Variants in KIZ observed in about 807,000 individuals in gnomAD.
The protein encoded by KIZ is centrosomal protein kizuna.
In KIZ, 68 loss-of-function variants were observed where a neutral mutation model predicts 79.6. That is an observed-to-expected ratio of 0.85 (90% CI 0.70 to 1.05). The LOEUF (loss-of-function observed/expected upper bound fraction) is 1.05, where lower values mean the gene tolerates loss of function less well. Among genes scored for constraint, KIZ ranks in the 50% least tolerant of loss-of-function variants. The probability of loss-of-function intolerance (pLI) is 0.00; values close to 1 mark genes in which losing one functional copy is unlikely to be tolerated. For missense variants in KIZ, 797 were observed against 800.4 expected (o/e 1.00, Z 0.05); for synonymous variants, 280 against 281.8 (o/e 0.99, Z 0.06).
intron 9 of KIZ, among the ~76,000 whole-genome samples, chr20:21,217,622 T>C (rs941987811): frequency 2.0e-5 from 3 of 152,196 alleles, no homozygotes; most frequent in Non-Finnish European, 4.4e-5. Context: ...TCAGCTCTTT[T>C]ACTCCTTGCT....
chr20:21,234,355 A>C (rs561119815), intron 11 of KIZ, among the ~76,000 whole-genome samples: 18 of 151,550 alleles, frequency 1.2e-4, no homozygotes, highest in East Asian at 1.9e-4. Flanking sequence ...AGAAAACAAA[A>C]AAAAAAACCA....
chr20:21,130,190 A>G (rs948185067), intron 1 of KIZ, among the ~76,000 whole-genome samples: 4 of 152,162 alleles, frequency 2.6e-5, no homozygotes, highest in Non-Finnish European at 5.9e-5. Context: ...TACATCTGGA[A>G]CGATTCCTCA....
At position 21,161,879 on chromosome 20, in the gene KIZ, G is replaced by A; in HGVS notation, c.414G>A (p.Val138=). The A allele has an allele frequency of 6.2e-7, 1 of 1,610,828 alleles. No homozygotes were observed. The highest frequency in any genetic ancestry group is 8.5e-7 in the Non-Finnish European group (1 of 1,177,586). Residue 138 remains valine (V), a synonymous_variant, in exon 5 of 13, where the codon GTG becomes GTA. Coordinates refer to ENST00000619189, the MANE Select transcript of KIZ (RefSeq NM_018474.6). ...LTDEDREKVA[V]HEGINSGTAM... ...CTCTTTTGGTGTTGCAGGTTGCAGT[G>A]CACGAGGGGATTAACTCAGGAACAG...
intron 4 of KIZ, among the ~76,000 whole-genome samples, chr20:21,161,132 C>T (rs1321696747): frequency 6.6e-6 from 1 of 152,096 alleles, no homozygotes; most frequent in African/African-American, 2.4e-5. Flanking sequence ...CATATATCTT[C>T]TTTGGAGAAA....
At chr20:21,216,714 T>C (rs1054111975) in intron 9 of KIZ, among the ~76,000 whole-genome samples, 3 of 152,230 alleles carry the variant, frequency 2.0e-5, no homozygotes, top group African/African-American at 7.2e-5. Context: ...CAGATAACCA[T>C]GAAGTCATTT....
chr20:21,224,054 C>T (rs1327665043), intron 9 of KIZ, among the ~76,000 whole-genome samples: 1 of 151,812 alleles, frequency 6.6e-6, no homozygotes, highest in Non-Finnish European at 1.5e-5. Context: ...AGTGCAATGG[C>T]GCGATCTCGG....
At chr20:21,204,095 A>G (rs1393291138) in intron 6 of KIZ, among the ~76,000 whole-genome samples, 15 of 144,294 alleles carry the variant, frequency 1.0e-4, no homozygotes, top group Admixed American at 1.0e-3. Context: ...TCCCCTTAAG[A>G]GTCATCTATG....
At chr20:21,156,956 T>C (rs551560572) in intron 4 of KIZ, among the ~76,000 whole-genome samples, 1 of 152,246 alleles carries the variant, frequency 6.6e-6, no homozygotes, top group South Asian at 2.1e-4. Flanking sequence ...TTTCTGTAAG[T>C]GTAAAATTAT....
chr20:21,162,771 G>A (rs933610748), intron 5 of KIZ, 79 bp from the exon 6 acceptor site: 3 of 1,144,166 alleles, frequency 2.6e-6, no homozygotes, highest in Admixed American at 2.6e-5. Context: ...GTTTTTAACT[G>A]ATGAGTAATT....
intron 4 of KIZ, among the ~76,000 whole-genome samples, chr20:21,154,393 G>A (rs2033271861): frequency 6.6e-6 from 1 of 152,096 alleles, no homozygotes; most frequent in African/African-American, 2.4e-5. Flanking sequence ...CCCCAGTAAA[G>A]ATGAATTCCT....
chr20:21,171,337 C>G lies in KIZ; in HGVS notation c.1352+8178C>G, dbSNP rs7269160. 1.2e-3 allele frequency among the ~76,000 whole-genome samples: 178 copies of G among 152,254 alleles called. 1 individual carries two copies. Among genetic ancestry groups the G allele is most frequent in the African/African-American group, 4.1e-3 (172 of 41,548 alleles). ...TACATTTTGGATATCAGTCCTTTAT[C>G]AGGGGGATAGTGTGTCTTGCAGATA... is the stretch of plus-strand genomic sequence containing the variant. On this transcript the variant is annotated intron_variant, in intron 6 of 12. Coordinates refer to ENST00000619189, the MANE Select transcript of KIZ (RefSeq NM_018474.6).
intron 7 of KIZ, among the ~76,000 whole-genome samples, chr20:21,207,362 A>C (rs889094918): frequency 1.3e-5 from 2 of 152,090 alleles, no homozygotes; most frequent in African/African-American, 2.4e-5. Context: ...GGACGGACCC[A>C]CTAATCCCAT....
intron 6 of KIZ, among the ~76,000 whole-genome samples, chr20:21,205,015 C>G (rs931399624): frequency 1.3e-5 from 2 of 152,132 alleles, no homozygotes; most frequent in African/African-American, 4.8e-5. Flanking sequence ...TGGTGGCTCA[C>G]CCCTGTAATC....
intron 4 of KIZ, among the ~76,000 whole-genome samples, chr20:21,153,042 A>C (rs1426764417): frequency 1.3e-5 from 2 of 152,184 alleles, no homozygotes; most frequent in Non-Finnish European, 2.9e-5. Flanking sequence ...TTTGCATTGG[A>C]GTCCTGGTAT....
At chr20:21,144,493 A>C (rs1443153674) in intron 3 of KIZ, among the ~76,000 whole-genome samples, 1 of 152,088 alleles carries the variant, frequency 6.6e-6, no homozygotes, top group Non-Finnish European at 1.5e-5. Context: ...TTCCTAGTTT[A>C]TTATTTTATC....
chr20:21,215,499 G>T (rs2036249389), intron 8 of KIZ, 84 bp from the exon 9 acceptor site: 9 of 638,600 alleles, frequency 1.4e-5, no homozygotes, highest in Admixed American at 6.2e-5. Context: ...AAAAAAAAGT[G>T]AACATAAAGG....
chr20:21,202,000 G>A (rs1265071921), intron 6 of KIZ, among the ~76,000 whole-genome samples: 1 of 152,216 alleles, frequency 6.6e-6, no homozygotes, highest in East Asian at 1.9e-4. Flanking sequence ...TCCTTCAACA[G>A]CTCATTTTCC....
chr20:21,226,551 T>A (rs1232884193), intron 9 of KIZ, among the ~76,000 whole-genome samples: 1 of 152,192 alleles, frequency 6.6e-6, no homozygotes, highest in Non-Finnish European at 1.5e-5. Context: ...GGAGAGCGAC[T>A]CCATCTCCCA....
chr20:21,151,480 G>A (rs1015968182), intron 4 of KIZ: 1 of 151,972 alleles, frequency 6.6e-6, no homozygotes, highest in South Asian at 2.1e-4. Context: ...TGGAATGAGG[G>A]GGAAGAGAAA....
Sources: gnomAD v4.1 joint callset for allele counts (sites outside exome capture counted in the v4.1 genomes callset) on GRCh38, gnomAD v4.1.1 for gene constraint, MANE v1.5 for transcripts, NCBI Gene and HGNC (gene_info 2026-07-23, HGNC 2026-07-21) for gene names.